DPP8: variants seen among roughly 807,000 people sequenced by gnomAD.
DPP8 encodes the protein DPP VIII.
A neutral mutation model predicts 107.5 loss-of-function variants in DPP8; 31 were observed. The ratio of observed to expected loss-of-function variants is 0.29; its 90% CI spans 0.22 to 0.39. The LOEUF is 0.39. Among genes scored for constraint, DPP8 ranks in the 10% least tolerant of loss-of-function variants. The probability of loss-of-function intolerance (pLI) is 1.00; values close to 1 mark genes in which losing one functional copy is unlikely to be tolerated. For missense variants in DPP8, 842 were observed against 1,076.1 expected, an observed-to-expected ratio of 0.78 and a Z score of 3.04; for synonymous variants, 381 against 356.6, an observed-to-expected ratio of 1.07 and a Z score of -0.77.
chr15:65,466,623 G>C (rs1025855375), intron 14 of DPP8, 55 bp downstream of exon 14: 22 of 1,472,852 alleles, frequency 1.5e-5, no homozygotes, highest in Non-Finnish European at 2.1e-5. Context: ...CACACGTTTA[G>C]TGTACTAATA....
Position 65,481,606 on chromosome 15 carries a change from C to T in DPP8, c.1027G>A (p.Val343Ile), listed in dbSNP as rs144639396. The T allele has an allele frequency of 1.6e-4, 239 of 1,462,492 alleles. No homozygotes were observed. The highest frequency in any genetic ancestry group is 2.0e-4 in the Non-Finnish European group (219 of 1,081,290). 90.6% of individuals were successfully genotyped at this position (1,462,492 alleles called of 1,614,324 possible). A position where few individuals can be genotyped will look rare whatever the true frequency, so the allele number is the denominator to read the frequency against. ...MIDAEGRIIDVIDKELIQPFE... is the reference protein window; with the variant it reads ...MIDAEGRIIDIIDKELIQPFE... ...GGTTGAATTAGTTCCTTATCTATGA[C>T]ATCTATGATCTATTAAAAAAGAAAA... Residue 343 changes from valine (V) to isoleucine (I), a missense_variant, in exon 9 of 20, where the codon GTC becomes ATC. Around this residue, in one of 2 missense-constraint regions of DPP8, gnomAD observed 663 missense variants for 758.0 expected, o/e 0.87. Coordinates refer to ENST00000300141, the MANE Select transcript of DPP8 (RefSeq NM_130434.5).
intron 8 of DPP8, among the ~76,000 whole-genome samples, chr15:65,484,024 G>C (rs1400679177): frequency 6.6e-6 from 1 of 152,092 alleles, no homozygotes; most frequent in African/African-American, 2.4e-5. Context: ...TATAGAGATA[G>C]AAAGTAGATT....
At chr15:65,515,315 C>G in intron 1 of DPP8, among the ~76,000 whole-genome samples, 1 of 152,260 alleles carries the variant, frequency 6.6e-6, no homozygotes, top group East Asian at 1.9e-4. Flanking sequence ...ATTCCTGAAT[C>G]GTACTAAGCC....
intron 7 of DPP8, among the ~76,000 whole-genome samples, chr15:65,485,868 TG>T (rs1307800466): frequency 7.3e-6 from 1 of 137,524 alleles, no homozygotes; most frequent in African/African-American, 2.7e-5. Context: ...CCGAGGCAGG[TG>T]GATCACCTGA....
chr15:65,501,541 CATCT>C (rs532611283), intron 3 of DPP8, among the ~76,000 whole-genome samples: 1 of 152,178 alleles, frequency 6.6e-6, no homozygotes, highest in Non-Finnish European at 1.5e-5. Context: ...AGTAATAAAT[CATCT>C]ATATCAGCTT....
intron 12 of DPP8, among the ~76,000 whole-genome samples, chr15:65,468,261 G>A (rs1025253601): frequency 3.3e-5 from 5 of 152,134 alleles, no homozygotes; most frequent in African/African-American, 9.7e-5. Context: ...TTGGGAGGCC[G>A]AAGTGAGAGG....
At chr15:65,451,870 A>G in intron 18 of DPP8, 90 bp downstream of exon 18, 2 of 1,293,464 alleles carry the variant, frequency 1.5e-6, no homozygotes, top group Non-Finnish European at 2.1e-6. Flanking sequence ...CGCTGCAGGG[A>G]GCCCTGATCA....
chr15:65,469,994 C>T (rs572136453), intron 12 of DPP8, among the ~76,000 whole-genome samples: 173 of 151,466 alleles, frequency 1.1e-3, no homozygotes, highest in Non-Finnish European at 2.2e-3. Context: ...GTCAGGAGTT[C>T]GAGACCAGCT....
intron 9 of DPP8, among the ~76,000 whole-genome samples, chr15:65,481,151 G>T (rs1415079329): frequency 1.3e-5 from 2 of 151,734 alleles, no homozygotes; most frequent in African/African-American, 4.8e-5. Flanking sequence ...AACTCCTGTT[G>T]TCTACATTAG....
In DPP8 at chr15:65,443,004, T is replaced by C. The variant is rs1241758097; in HGVS notation, c.*3880A>G. The C allele has an allele frequency of 6.6e-6, 1 of 152,100 alleles. No homozygotes were observed. The highest frequency in any genetic ancestry group is 1.5e-5 in the Non-Finnish European group (1 of 68,012). 9.4% of individuals were successfully genotyped at this position (152,100 alleles called of 1,614,324 possible). A position where few individuals can be genotyped will look rare whatever the true frequency, so the allele number is the denominator to read the frequency against. ...TCTACTCTATATTCCAATCCTCAAA[T>C]CCTCCACTATACCAAGGAAGACACA... On this transcript the variant is annotated 3_prime_UTR_variant, in exon 20 of 20. Transcript: ENST00000300141.
chr15:65,479,899 T>TGGGG (rs1245775543), intron 10 of DPP8, among the ~76,000 whole-genome samples: 1 of 150,970 alleles, frequency 6.6e-6, no homozygotes, highest in Non-Finnish European at 1.5e-5. Context: ...TTGGTACAGT[T>TGGGG]TACCAACATA....
At chr15:65,454,912 T>C (rs1356843438) in intron 16 of DPP8, among the ~76,000 whole-genome samples, 1 of 152,180 alleles carries the variant, frequency 6.6e-6, no homozygotes, top group African/African-American at 2.4e-5. Flanking sequence ...TATTTGGAGA[T>C]AGGGGCCTAT....
In DPP8 at chr15:65,474,875, G is replaced by T. The variant is rs2066241269; in HGVS notation, c.1457-587C>A. Among the ~76,000 whole-genome samples the T allele has an allele frequency of 2.6e-5, 4 of 152,306 alleles. No homozygotes were observed. The South Asian group carries it at 8.3e-4, about 32-fold the overall frequency. ...TTTACAATACTCTGGAATAATAATG[G>T]AATGATCTATTTAGGTAATGCAAAA... is the stretch of plus-strand genomic sequence containing the variant. On this transcript the variant is annotated intron_variant, in intron 11 of 19. Transcript: ENST00000300141.
At chr15:65,507,559 A>G (rs1404464810) in intron 2 of DPP8, among the ~76,000 whole-genome samples, 1 of 151,792 alleles carries the variant, frequency 6.6e-6, no homozygotes, top group Non-Finnish European at 1.5e-5. Context: ...CACAGTACAC[A>G]TGCCTATAAT....
chr15:65,452,117 A>AT lies in DPP8; in HGVS notation c.2272-16dup, dbSNP rs2064023852. On this transcript the variant is annotated splice_polypyrimidine_tract_variant and intron_variant, in intron 17 of 19. Coordinates refer to ENST00000300141, the MANE Select transcript of DPP8 (RefSeq NM_130434.5). ...GCAATAGCAACCTGCATAAGATGAC[A>AT]TTGACAGTCAAGTGTGGTCTGGAAA... The AT allele has an allele frequency of 6.3e-7, 1 of 1,595,288 alleles. No homozygotes were observed. The highest frequency in any genetic ancestry group is 1.8e-5 in the Admixed American group (1 of 55,094).
chr15:65,453,875 A>G (rs2064178073), intron 17 of DPP8, among the ~76,000 whole-genome samples: 1 of 152,176 alleles, frequency 6.6e-6, no homozygotes, highest in East Asian at 1.9e-4. Context: ...TGGGAGGCCA[A>G]CGCAGGTGGA....
At chr15:65,466,230 C>G (rs911341417) in intron 14 of DPP8, among the ~76,000 whole-genome samples, 1 of 152,110 alleles carries the variant, frequency 6.6e-6, no homozygotes, top group African/African-American at 2.4e-5. Flanking sequence ...CCTCCGCCTC[C>G]CAGCTTCAAG....
chr15:65,491,279 A>T (rs1389010543), intron 5 of DPP8, among the ~76,000 whole-genome samples: 1 of 152,144 alleles, frequency 6.6e-6, no homozygotes, highest in Non-Finnish European at 1.5e-5. Context: ...ATAAAAATGC[A>T]TTTTTAAAAA....
At chr15:65,461,671 T>C (rs1026401225) in intron 15 of DPP8, among the ~76,000 whole-genome samples, 5 of 152,050 alleles carry the variant, frequency 3.3e-5, no homozygotes, top group Non-Finnish European at 7.4e-5. Flanking sequence ...GGTACGATCT[T>C]GGCTCACTGC....
Sources: gnomAD v4.1 joint callset for allele counts (sites outside exome capture counted in the v4.1 genomes callset) on GRCh38, gnomAD v4.1.1 for gene constraint, gnomAD v4.1.1 regional missense constraint, MANE v1.5 for transcripts, NCBI Gene and HGNC (gene_info 2026-07-23, HGNC 2026-07-21) for gene names.